Variants in DPP10 observed in about 807,000 individuals in gnomAD.
DPP10 encodes the protein dipeptidyl peptidase like 10.
A neutral mutation model predicts 120.9 loss-of-function variants in DPP10; 33 were observed. That is an observed-to-expected ratio of 0.27 (90% CI 0.21 to 0.37). The LOEUF (loss-of-function observed/expected upper bound fraction) is 0.37, where lower values mean the gene tolerates loss of function less well. DPP10 is among the 10% of genes least tolerant of loss of function. The probability of loss-of-function intolerance (pLI) is 1.00; values close to 1 mark genes in which losing one functional copy is unlikely to be tolerated. For missense variants in DPP10, 816 were observed against 942.8 expected (o/e 0.87, Z 1.76); for synonymous variants, 337 against 326.1 (o/e 1.03, Z -0.36).
intron 1 of DPP10, among the ~76,000 whole-genome samples, chr2:114,455,156 T>TGTGTG (rs1553443771): frequency 3.0e-4 from 44 of 147,490 alleles, no homozygotes; most frequent in Admixed American, 7.5e-4. Context: ...TTTCTTTCTA[T>TGTGTG]TGTGTGTGTG....
chr2:114,686,770 C>T (rs1348129042), intron 1 of DPP10, among the ~76,000 whole-genome samples: 1 of 151,928 alleles, frequency 6.6e-6, no homozygotes, highest in Non-Finnish European at 1.5e-5. Context: ...TCAAGAGCTT[C>T]TTTGTCCAAT....
chr2:115,337,437 G>A (rs1186147215), intron 2 of DPP10, among the ~76,000 whole-genome samples: 2 of 151,958 alleles, frequency 1.3e-5, no homozygotes, highest in African/African-American at 2.4e-5. Flanking sequence ...TTGGGAGATA[G>A]TATAGCTTAA....
chr2:115,332,223 T>C (rs1236268276), intron 2 of DPP10, among the ~76,000 whole-genome samples: 1 of 152,228 alleles, frequency 6.6e-6, no homozygotes, highest in Non-Finnish European at 1.5e-5. Context: ...GAGGTGTTTA[T>C]AGTATTCTCT....
chr2:114,955,995 T>A (rs549590600), intron 1 of DPP10, among the ~76,000 whole-genome samples: 3 of 152,208 alleles, frequency 2.0e-5, no homozygotes, highest in South Asian at 4.2e-4. Context: ...ATCATCAAAC[T>A]AAATGGTAAA....
chr2:115,426,727 G>A (rs1462698884), intron 3 of DPP10, among the ~76,000 whole-genome samples: 1 of 152,186 alleles, frequency 6.6e-6, no homozygotes, highest in African/African-American at 2.4e-5. Flanking sequence ...TTTGAGTGGG[G>A]TCAAACATCC....
intron 1 of DPP10, among the ~76,000 whole-genome samples, chr2:114,499,815 G>A (rs1267290423): frequency 2.6e-5 from 4 of 152,174 alleles, no homozygotes; most frequent in African/African-American, 9.7e-5. Context: ...CCTGTAGATT[G>A]GTTCTTGTGA....
At chr2:115,086,408 G>C (rs557889277) in intron 1 of DPP10, among the ~76,000 whole-genome samples, 3 of 150,890 alleles carry the variant, frequency 2.0e-5, no homozygotes, top group South Asian at 4.2e-4. Flanking sequence ...ACCCCTCCCT[G>C]CTTAGAGAGT....
chr2:114,575,279 T>C (rs1689969576), intron 1 of DPP10, among the ~76,000 whole-genome samples: 1 of 152,108 alleles, frequency 6.6e-6, no homozygotes, highest in Non-Finnish European at 1.5e-5. Context: ...GGCTGGCATG[T>C]CACAGGATCA....
At position 114,956,868 on chromosome 2, in the gene DPP10, G is replaced by T. The variant is rs781474109; in HGVS notation, c.61-352371G>T. 7.9e-5 allele frequency among the ~76,000 whole-genome samples: 12 copies of T among 151,684 alleles called. No individual in the cohort carries two copies. The East Asian group carries it at 2.1e-3, about 27-fold the overall frequency. ...AGAAAAGACAGTCTCTTCAATAACT[G>T]GTGTTTGGAAAGCTGGAGATGAAAA... On this transcript the variant is annotated intron_variant, in intron 1 of 25. Coordinates refer to ENST00000410059, the MANE Select transcript of DPP10 (RefSeq NM_020868.6).
chr2:115,508,341 A>G (rs1193320297), intron 4 of DPP10, among the ~76,000 whole-genome samples: 1 of 134,004 alleles, frequency 7.5e-6, no homozygotes, highest in Non-Finnish European at 1.8e-5. Context: ...ACAATAGAAA[A>G]TAGGAGAGAA....
intron 3 of DPP10, among the ~76,000 whole-genome samples, chr2:115,380,289 C>G (rs1366055582): frequency 1.3e-5 from 2 of 152,118 alleles, no homozygotes; most frequent in Non-Finnish European, 2.9e-5. Context: ...TTGAATTGAT[C>G]CCTTTACCAT....
intron 20 of DPP10, among the ~76,000 whole-genome samples, chr2:115,815,203 T>G (rs887358344): frequency 2.0e-5 from 3 of 152,156 alleles, no homozygotes; most frequent in Admixed American, 1.3e-4. Flanking sequence ...GGAATTAAAA[T>G]TTACTTTGGA....
chr2:115,553,146 T>C (rs986945239), intron 5 of DPP10, among the ~76,000 whole-genome samples: 1 of 152,074 alleles, frequency 6.6e-6, no homozygotes, highest in African/African-American at 2.4e-5. Context: ...CTTGCATTAT[T>C]CATGTACTAT....
chr2:114,912,028 A>G (rs1005027621), intron 1 of DPP10, among the ~76,000 whole-genome samples: 3 of 152,154 alleles, frequency 2.0e-5, no homozygotes, highest in Non-Finnish European at 2.9e-5. Flanking sequence ...TTAAAGAGTA[A>G]GATTTGGAAG....
chr2:115,226,861 A>G (rs925730593), intron 1 of DPP10, among the ~76,000 whole-genome samples: 27 of 152,188 alleles, frequency 1.8e-4, no homozygotes, highest in African/African-American at 5.3e-4. Context: ...TTACATTTGT[A>G]TAACCAATTG....
intron 1 of DPP10, among the ~76,000 whole-genome samples, chr2:114,920,118 T>A (rs1363018481): frequency 1.3e-5 from 2 of 152,146 alleles, no homozygotes; most frequent in Non-Finnish European, 2.9e-5. Context: ...CATCTCTGAG[T>A]GGCAGAATGG....
intron 3 of DPP10, among the ~76,000 whole-genome samples, chr2:115,377,581 CT>C (rs1230693070): frequency 1.7e-4 from 26 of 152,238 alleles, no homozygotes; most frequent in South Asian, 1.7e-3. Flanking sequence ...TCAATTTTGT[CT>C]TTTGTTGCCA....
chr2:114,859,239 T>C (rs1689616490), intron 1 of DPP10, among the ~76,000 whole-genome samples: 2 of 151,704 alleles, frequency 1.3e-5, no homozygotes, highest in Non-Finnish European at 2.9e-5. Flanking sequence ...TGGTGGCACA[T>C]GCCTGTAATC....
chr2:114,825,555 C>T (rs568600863), intron 1 of DPP10, among the ~76,000 whole-genome samples: 70 of 152,212 alleles, frequency 4.6e-4, no homozygotes, highest in African/African-American at 1.5e-3. Context: ...GCTTCTCTCC[C>T]GAAGAATTAC....
Sources: gnomAD v4.1 joint callset for allele counts (sites outside exome capture counted in the v4.1 genomes callset) on GRCh38, gnomAD v4.1.1 for gene constraint, MANE v1.5 for transcripts, NCBI Gene and HGNC (gene_info 2026-07-23, HGNC 2026-07-21) for gene names.